ABL1: variants seen among roughly 807,000 people sequenced by gnomAD.
ABL1 encodes the protein tyrosine-protein kinase ABL1.
Under a neutral mutation model 94.7 loss-of-function variants are expected in ABL1, and 11 were observed. That is an observed-to-expected ratio of 0.12 (90% confidence interval 0.07 to 0.19). ABL1 has a LOEUF of 0.19. Among genes scored for constraint, ABL1 ranks in the 10% least tolerant of loss-of-function variants. The probability of loss-of-function intolerance (pLI) is 1.00; values close to 1 mark genes in which losing one functional copy is unlikely to be tolerated. For missense variants in ABL1, 1,082 were observed against 1,489.4 expected, an observed-to-expected ratio of 0.73 and a Z score of 4.50; for synonymous variants, 656 against 622.4, an observed-to-expected ratio of 1.05 and a Z score of -0.80.
At chr9:130,805,460 C>A (rs1260867988) in intron 1 of ABL1, among the ~76,000 whole-genome samples, 1 of 152,110 alleles carries the variant, frequency 6.6e-6, no homozygotes, top group African/African-American at 2.4e-5. Flanking sequence ...CTTTTTCTTA[C>A]GGAATTTCTT....
intron 1 of ABL1, among the ~76,000 whole-genome samples, chr9:130,747,732 G>A (rs1203775011): frequency 6.6e-6 from 1 of 152,124 alleles, no homozygotes; most frequent in Non-Finnish European, 1.5e-5. Flanking sequence ...CTCTTATAGG[G>A]ACACTTGTGA....
intron 1 of ABL1, among the ~76,000 whole-genome samples, chr9:130,772,761 G>T (rs1390717902): frequency 6.6e-6 from 1 of 152,216 alleles, no homozygotes; most frequent in African/African-American, 2.4e-5. Flanking sequence ...ATTAGGTGAG[G>T]ATCCAACTGA....
chr9:130,816,651 A>G (rs1270107255), intron 1 of ABL1, among the ~76,000 whole-genome samples: 2 of 152,082 alleles, frequency 1.3e-5, no homozygotes, highest in East Asian at 3.9e-4. Flanking sequence ...TAGGATAGAC[A>G]TTCCCATTCC....
chr9:130,775,985 G>C (rs1832306280), intron 1 of ABL1, among the ~76,000 whole-genome samples: 1 of 152,150 alleles, frequency 6.6e-6, no homozygotes, highest in Non-Finnish European at 1.5e-5. Context: ...ATATAATTTA[G>C]TAATGAGAGC....
Position 130,884,406 on chromosome 9 carries a change from G to T in ABL1, c.2116G>T (p.Gly706Cys). Reference sequence around the variant, plus strand: ...CCTAGCCACCGGCGAGGAGGAGGGCGGTGGCAGCTCCAGCAAGCGCTTCCT... The same window carrying T: ...CCTAGCCACCGGCGAGGAGGAGGGCTGTGGCAGCTCCAGCAAGCGCTTCCT... ...SRLATGEEEG[G>C]GSSSKRFLRS... The change falls in exon 11 of 11, where the codon GGT becomes TGT. Residue 706 changes from glycine (G) to cysteine (C), a missense_variant. By Grantham distance (159) the Gly-to-Cys change is radical. Transcript: ENST00000318560. This position sits in a 1 kb window ranked among gnomAD's most constrained non-coding sequence, Gnocchi z 5.6. 1 of 1,612,022 alleles carries T rather than the reference G, an allele frequency of 6.2e-7. No homozygotes were observed. The highest frequency in any genetic ancestry group is 8.5e-7 in the Non-Finnish European group (1 of 1,179,818).
chr9:130,763,660 C>T (rs1298460783), intron 1 of ABL1, among the ~76,000 whole-genome samples: 1 of 152,210 alleles, frequency 6.6e-6, no homozygotes, highest in Non-Finnish European at 1.5e-5. Context: ...CCTTGCCACA[C>T]GGACCTCTCC....
intron 1 of ABL1, among the ~76,000 whole-genome samples, chr9:130,744,627 C>T (rs61110009): frequency 2.7e-5 from 4 of 149,934 alleles, no homozygotes; most frequent in African/African-American, 4.9e-5. Flanking sequence ...CCGAGGCAGG[C>T]GGATCACGAG....
At chr9:130,819,318 CACTCCAGCCTGGGCA>C (rs936600094) in intron 1 of ABL1, among the ~76,000 whole-genome samples, 1 of 151,972 alleles carries the variant, frequency 6.6e-6, no homozygotes, top group African/African-American at 2.4e-5. Flanking sequence ...TGTGCCACTG[CACTCCAGCCTGGGCA>C]ACAGAGCGAG....
chr9:130,737,217 T>A (rs993422743), intron 1 of ABL1, among the ~76,000 whole-genome samples: 2 of 152,126 alleles, frequency 1.3e-5, no homozygotes, highest in African/African-American at 2.4e-5. Flanking sequence ...TGCAGGCATC[T>A]TCTTTTTCAA....
intron 4 of ABL1, among the ~76,000 whole-genome samples, chr9:130,867,844 C>T (rs1483345776): frequency 6.6e-6 from 1 of 151,974 alleles, no homozygotes; most frequent in African/African-American, 2.4e-5. Flanking sequence ...GGCTCCTCTA[C>T]GAGGTGGTCT....
upstream of ABL1, chr9:130,835,069 C>T (rs1289272729): frequency 3.1e-6 from 1 of 321,452 alleles, no homozygotes; most frequent in African/African-American, 2.3e-5. This position sits in a 1 kb window ranked among gnomAD's most constrained non-coding sequence, Gnocchi z 4.6. Context: ...CGCGCGCGGC[C>T]TTCCCCCTGC....
chr9:130,815,026 A>G (rs1204919687), intron 1 of ABL1, among the ~76,000 whole-genome samples: 2 of 152,066 alleles, frequency 1.3e-5, no homozygotes, highest in African/African-American at 4.8e-5. Flanking sequence ...TGTCTGACTT[A>G]AAGTCTTAAT....
intron 1 of ABL1, among the ~76,000 whole-genome samples, chr9:130,752,317 A>G (rs753700336): frequency 9.9e-5 from 15 of 152,166 alleles, no homozygotes; most frequent in African/African-American, 1.9e-4. Flanking sequence ...TCTTTAAGAT[A>G]GGGTTCTGAG....
At position 130,872,247 on chromosome 9, in the gene ABL1, C is replaced by T. The variant is rs942327379; in HGVS notation, c.907+34C>T. The T allele has an allele frequency of 3.8e-6, 6 of 1,591,732 alleles. No individual in the cohort carries two copies. Among genetic ancestry groups the T allele is most frequent in the Admixed American group, 3.4e-5 (2 of 59,466 alleles). On this transcript the variant is annotated intron_variant, in intron 5 of 10. Coordinates refer to ENST00000318560, the MANE Select transcript of ABL1 (RefSeq NM_005157.6). The surrounding 1 kb of genome is among the most constrained non-coding windows in gnomAD (Gnocchi z 5.0). ...GCCCGGGGCTCTGAAGAGAGGGTCT[C>T]GCGCCGCACCCCCAGGGTGACACAG...
intron 3 of ABL1, among the ~76,000 whole-genome samples, chr9:130,856,045 A>C (rs1434782389): frequency 6.6e-6 from 1 of 152,094 alleles, no homozygotes; most frequent in Non-Finnish European, 1.5e-5. Context: ...CCTTCCGAGT[A>C]GTTGGGACCA....
intron 1 of ABL1, among the ~76,000 whole-genome samples, chr9:130,785,680 C>T (rs1436522314): frequency 6.6e-6 from 1 of 151,974 alleles, no homozygotes; most frequent in African/African-American, 2.4e-5. Flanking sequence ...CCCAGCACTT[C>T]AGGAGGCCAA....
intron 1 of ABL1, among the ~76,000 whole-genome samples, chr9:130,852,569 G>A (rs1443671217): frequency 2.0e-5 from 3 of 152,036 alleles, no homozygotes; most frequent in Non-Finnish European, 4.4e-5. Context: ...ACTCCACAAT[G>A]TTCTTCAACT....
In ABL1 at chr9:130,884,699, GTCCAGCCCGGGC is replaced by G. The variant is rs768951332; in HGVS notation, c.2419_2430del (p.Gly807_Pro810del). 1 of 1,612,708 alleles carries G rather than the reference GTCCAGCCCGGGC, an allele frequency of 6.2e-7. No homozygotes were observed. Among genetic ancestry groups the G allele is most frequent in the Non-Finnish European group, 8.5e-7 (1 of 1,179,936 alleles). On this transcript the variant is annotated inframe_deletion, in exon 11 of 11. Transcript: ENST00000318560. The surrounding 1 kb of genome is among the most constrained non-coding windows in gnomAD (Gnocchi z 5.6). ...ATGAGGTCTTCAAAGACATCATGGA[GTCCAGCCCGGGC>G]TCCAGCCCGCCCAACCTGACTCCAA...
rs1483579788 is a variant in ABL1 at position 130,835,731 on chromosome 9, C to T, written c.79+206C>T. On this transcript the variant is annotated intron_variant, in intron 1 of 10. Transcript: ENST00000318560. This position sits in a 1 kb window ranked among gnomAD's most constrained non-coding sequence, Gnocchi z 4.6. ...CTTTCTCTCTGTGTCTGTCTCTTTT[C>T]TCTTCTCTTGTCTCTCTCTTTTTCT... Among the ~76,000 whole-genome samples the T allele has an allele frequency of 6.7e-6, 1 of 149,622 alleles. No homozygotes were observed. Among genetic ancestry groups the T allele is most frequent in the Admixed American group, 6.7e-5 (1 of 14,942 alleles).
Sources: allele counts gnomAD v4.1 joint callset (sites outside exome capture counted in the v4.1 genomes callset), GRCh38; gene constraint gnomAD v4.1.1; non-coding constraint Gnocchi (gnomAD v3.1); transcripts MANE v1.5; gene names NCBI Gene and HGNC (gene_info 2026-07-23, HGNC 2026-07-21).